Variants in FRMD4A observed in about 807,000 individuals in gnomAD.
FRMD4A encodes the protein FERM domain-containing protein 4A.
A neutral mutation model predicts 129.1 loss-of-function variants in FRMD4A; 29 were observed. The observed-to-expected ratio is 0.22, with a 90% confidence interval of 0.17 to 0.31. The LOEUF (loss-of-function observed/expected upper bound fraction) is 0.31, where lower values mean the gene tolerates loss of function less well. Among genes scored for constraint, FRMD4A ranks in the 10% least tolerant of loss-of-function variants. The pLI is 1.00. For synonymous variants in FRMD4A, 634 were observed against 571.6 expected (o/e 1.11, Z -1.56); for missense variants, 1,272 against 1,375.8 (o/e 0.92, Z 1.19).
chr10:13,694,441 C>T (rs896402502), intron 14 of FRMD4A, among the ~76,000 whole-genome samples: 1 of 152,182 alleles, frequency 6.6e-6, no homozygotes, highest in Admixed American at 6.5e-5. Flanking sequence ...GGGTGTTCCT[C>T]CCCTCCCAAC....
chr10:13,994,354 A>G (rs1480110948), intron 2 of FRMD4A, among the ~76,000 whole-genome samples: 2 of 151,506 alleles, frequency 1.3e-5, no homozygotes, highest in Non-Finnish European at 2.9e-5. Flanking sequence ...TAATTTTTGT[A>G]TTTTAGTAGA....
intron 15 of FRMD4A, among the ~76,000 whole-genome samples, chr10:13,689,824 C>T (rs1285669480): frequency 6.6e-6 from 1 of 152,114 alleles, no homozygotes; most frequent in Non-Finnish European, 1.5e-5. Context: ...GCCCCAAACC[C>T]CTACCCTCCT....
intron 12 of FRMD4A, among the ~76,000 whole-genome samples, chr10:13,719,658 GA>G (rs1274178833): frequency 2.6e-5 from 4 of 151,944 alleles, no homozygotes; most frequent in Non-Finnish European, 5.9e-5. Flanking sequence ...GAAGGAGGGG[GA>G]AAAAAAGCCT....
chr10:13,971,143 C>T (rs978507405), intron 2 of FRMD4A, among the ~76,000 whole-genome samples: 1 of 151,846 alleles, frequency 6.6e-6, no homozygotes, highest in Non-Finnish European at 1.5e-5. Flanking sequence ...CGCGCTCACA[C>T]ACATGCATGC....
rs1301560011 is a variant in FRMD4A at position 13,694,855 on chromosome 10, AG to A, written c.976-817del. On this transcript the variant is annotated intron_variant, in intron 14 of 24. Coordinates refer to ENST00000357447, the MANE Select transcript of FRMD4A (RefSeq NM_018027.5). The stretch of plus-strand genomic sequence containing the variant: ...AGACCCTGTCTCTTAAAAAAAAAAA[AG>A]AGAGAAATGACAATGACAGATCTCT... Among the ~76,000 whole-genome samples the A allele has an allele frequency of 6.8e-5, 10 of 147,902 alleles. No homozygotes were observed. The East Asian group carries it at 1.8e-3, about 27-fold the overall frequency.
At chr10:13,825,842 G>A (rs1366828427) in intron 3 of FRMD4A, among the ~76,000 whole-genome samples, 1 of 152,240 alleles carries the variant, frequency 6.6e-6, no homozygotes, top group Non-Finnish European at 1.5e-5. Flanking sequence ...CCGCAGATAA[G>A]AAGGAACTAC....
At chr10:14,134,158 T>G (rs1023244405) in intron 2 of FRMD4A, among the ~76,000 whole-genome samples, 13 of 152,242 alleles carry the variant, frequency 8.5e-5, no homozygotes, top group African/African-American at 3.1e-4. Context: ...TACCATTTTC[T>G]CTTTGTCTTT....
intron 2 of FRMD4A, among the ~76,000 whole-genome samples, chr10:14,232,086 T>A (rs766202869): frequency 3.3e-5 from 5 of 152,186 alleles, no homozygotes; most frequent in Non-Finnish European, 7.3e-5. Context: ...GTCTTTAATC[T>A]ATCTTGAGTT....
At chr10:14,032,993 G>C (rs1833317769) in intron 2 of FRMD4A, among the ~76,000 whole-genome samples, 1 of 152,172 alleles carries the variant, frequency 6.6e-6, no homozygotes, top group Non-Finnish European at 1.5e-5. Context: ...TATCTGCGAG[G>C]CTCCACTACG....
rs955163369 is a variant in FRMD4A at position 14,301,956 on chromosome 10, G to A, written c.45+28102C>T. ...GCGGTCCAGGGACACCAGATAGGAA[G>A]GGACTGAGAAAGCAAAGTCATTCCC... is the stretch of plus-strand genomic sequence containing the variant. On this transcript the variant is annotated intron_variant, in intron 2 of 24. Coordinates refer to ENST00000357447, the MANE Select transcript of FRMD4A (RefSeq NM_018027.5). Among the ~76,000 whole-genome samples the A allele has an allele frequency of 6.6e-5, 10 of 152,268 alleles. No homozygotes were observed. In the East Asian group the frequency reaches 1.7e-3, roughly 26 times the overall value.
chr10:14,104,029 T>C (rs899944388), intron 2 of FRMD4A, among the ~76,000 whole-genome samples: 6 of 152,202 alleles, frequency 3.9e-5, no homozygotes, highest in African/African-American at 1.2e-4. Flanking sequence ...TTGGAGCAAA[T>C]GCTGGCTTAG....
intron 2 of FRMD4A, among the ~76,000 whole-genome samples, chr10:14,025,366 C>G (rs1832941654): frequency 6.6e-6 from 1 of 151,614 alleles, no homozygotes; most frequent in Non-Finnish European, 1.5e-5. Flanking sequence ...ATTTTGCCAT[C>G]TTAACTATTT....
intron 2 of FRMD4A, among the ~76,000 whole-genome samples, chr10:14,057,991 G>A (rs1264521761): frequency 6.6e-6 from 1 of 152,230 alleles, no homozygotes; most frequent in Non-Finnish European, 1.5e-5. Flanking sequence ...TAAAAAGAGA[G>A]CTCTGGTCAG....
chr10:13,885,322 C>A (rs1473590837), intron 2 of FRMD4A, among the ~76,000 whole-genome samples: 1 of 152,200 alleles, frequency 6.6e-6, no homozygotes, highest in Non-Finnish European at 1.5e-5. Context: ...AACCAAGGCT[C>A]AGAGAGACTC....
At chr10:14,034,646 C>T (rs1037999541) in intron 2 of FRMD4A, among the ~76,000 whole-genome samples, 1 of 152,166 alleles carries the variant, frequency 6.6e-6, no homozygotes, top group African/African-American at 2.4e-5. Context: ...CACTTTACAA[C>T]CCTAATCAAT....
intron 2 of FRMD4A, among the ~76,000 whole-genome samples, chr10:13,945,746 C>A (rs999138772): frequency 1.3e-5 from 2 of 152,084 alleles, no homozygotes; most frequent in Non-Finnish European, 2.9e-5. Flanking sequence ...GCCAGGGTCA[C>A]CCCAGGAAAT....
chr10:13,986,536 T>C (rs1227409633), intron 2 of FRMD4A, among the ~76,000 whole-genome samples: 1 of 139,834 alleles, frequency 7.2e-6, no homozygotes, highest in Non-Finnish European at 1.6e-5. Context: ...TTAGGAGATA[T>C]ACCTAATGCT....
At chr10:14,024,633 C>T (rs1353426504) in intron 2 of FRMD4A, among the ~76,000 whole-genome samples, 1 of 152,218 alleles carries the variant, frequency 6.6e-6, no homozygotes, top group Non-Finnish European at 1.5e-5. Flanking sequence ...AAAACAAACA[C>T]CAAACTCTAA....
chr10:13,765,329 C>T (rs926464989), intron 6 of FRMD4A, among the ~76,000 whole-genome samples: 1 of 152,020 alleles, frequency 6.6e-6, no homozygotes, highest in Admixed American at 6.6e-5. Context: ...GTTGGCCAGG[C>T]TGGTCTCGAA....
Sources: allele counts gnomAD v4.1 joint callset (sites outside exome capture counted in the v4.1 genomes callset), GRCh38; gene constraint gnomAD v4.1.1; transcripts MANE v1.5; gene names NCBI Gene and HGNC (gene_info 2026-07-23, HGNC 2026-07-21).